The following TACR3 variants were observed in gnomAD, a reference collection of about 807,000 sequenced individuals.
TACR3 encodes the protein neuromedin-K receptor.
Under a neutral mutation model 35.0 loss-of-function variants are expected in TACR3, and 34 were observed. That is an observed-to-expected ratio of 0.97 (90% CI 0.74 to 1.30). TACR3 has a LOEUF of 1.30. TACR3 is among the 50% of genes most tolerant of loss of function. The pLI is 0.00. For missense variants in TACR3, 558 were observed against 591.7 expected, an observed-to-expected ratio of 0.94 and a Z score of 0.59; for synonymous variants, 233 against 221.1, an observed-to-expected ratio of 1.05 and a Z score of -0.48.
At chr4:103,650,495 T>C (rs1342307241) in intron 3 of TACR3, among the ~76,000 whole-genome samples, 3 of 132,342 alleles carry the variant, frequency 2.3e-5, no homozygotes, top group Non-Finnish European at 4.7e-5. Flanking sequence ...AAATATGTAT[T>C]ATTTATATAT....
At chr4:103,678,009 A>C (rs984797364) in intron 1 of TACR3, among the ~76,000 whole-genome samples, 1 of 152,118 alleles carries the variant, frequency 6.6e-6, no homozygotes, top group Non-Finnish European at 1.5e-5. Flanking sequence ...TTTCAACAGA[A>C]ACCTGTTTCA....
intron 1 of TACR3, among the ~76,000 whole-genome samples, chr4:103,701,945 T>C (rs370037647): frequency 4.7e-5 from 7 of 147,550 alleles, no homozygotes; most frequent in Admixed American, 6.9e-5. Context: ...ACCATAAAAA[T>C]CCTAGAAGAA....
At chr4:103,603,248 C>A (rs191164537) in intron 3 of TACR3, among the ~76,000 whole-genome samples, 2 of 152,194 alleles carry the variant, frequency 1.3e-5, no homozygotes, top group South Asian at 2.1e-4. Context: ...ATTGGAAAAG[C>A]GAAATATTAG....
At chr4:103,716,339 A>G (rs888184562) in intron 1 of TACR3, among the ~76,000 whole-genome samples, 3 of 151,846 alleles carry the variant, frequency 2.0e-5, no homozygotes, top group African/African-American at 7.3e-5. Flanking sequence ...GAACTAGAAG[A>G]TGGATTTCTG....
At chr4:103,606,286 T>A (rs1724360672) in intron 3 of TACR3, among the ~76,000 whole-genome samples, 1 of 152,064 alleles carries the variant, frequency 6.6e-6, no homozygotes, top group African/African-American at 2.4e-5. Context: ...TCTTTTGGCT[T>A]AGGATTGACT....
At chr4:103,607,017 A>G (rs1662534) in intron 3 of TACR3, among the ~76,000 whole-genome samples, 1 of 152,092 alleles carries the variant, frequency 6.6e-6, no homozygotes, top group Non-Finnish European at 1.5e-5. Flanking sequence ...ATTTATTGAG[A>G]GTTTTTAGCA....
intron 3 of TACR3, among the ~76,000 whole-genome samples, chr4:103,593,851 C>T (rs1723946019): frequency 6.6e-6 from 1 of 152,030 alleles, no homozygotes; most frequent in African/African-American, 2.4e-5. Flanking sequence ...TATGTTTTTT[C>T]TTTATTTTGT....
chr4:103,677,235 A>C (rs1442337754), intron 1 of TACR3, among the ~76,000 whole-genome samples: 1 of 152,210 alleles, frequency 6.6e-6, no homozygotes, highest in Non-Finnish European at 1.5e-5. Flanking sequence ...TTGTGGAGAA[A>C]AAGGAACACT....
intron 3 of TACR3, among the ~76,000 whole-genome samples, chr4:103,625,078 G>C (rs1724861044): frequency 6.6e-6 from 1 of 151,994 alleles, no homozygotes; most frequent in Admixed American, 6.6e-5. Flanking sequence ...ATGTTGAAAG[G>C]AATTTTATGC....
intron 3 of TACR3, among the ~76,000 whole-genome samples, chr4:103,643,913 C>A (rs1044617168): frequency 4.0e-5 from 6 of 151,652 alleles, no homozygotes; most frequent in South Asian, 2.1e-4. Flanking sequence ...CATAGAGAAC[C>A]TTTTTCAGAT....
Position 103,719,581 on chromosome 4 carries a change from G to T in TACR3, c.95C>A (p.Ala32Glu). The stretch of plus-strand genomic sequence containing the variant: ...CCCAGTCTCAACTGCCCCCGTGGCC[G>T]CCCCGGCAGCTAGCGAGGCGGTCAG... ...VNLTASLAAGAATGAVETGWL... is the reference protein window; with the variant it reads ...VNLTASLAAGEATGAVETGWL... Residue 32 changes from alanine to glutamate, a missense_variant, in exon 1 of 5, where the codon GCG (alanine) becomes GAG (glutamate). By Grantham distance (107) the Ala-to-Glu change is moderately radical (BLOSUM62 -1). Coordinates refer to ENST00000304883, the MANE Select transcript of TACR3 (RefSeq NM_001059.3). 1 of 1,610,346 alleles carries T rather than the reference G, an allele frequency of 6.2e-7. No individual in the cohort carries two copies. The highest frequency in any genetic ancestry group is 8.5e-7 in the Non-Finnish European group (1 of 1,177,372).
At chr4:103,711,327 G>T (rs1365913754) in intron 1 of TACR3, among the ~76,000 whole-genome samples, 2 of 152,150 alleles carry the variant, frequency 1.3e-5, no homozygotes, top group South Asian at 2.1e-4. Context: ...GGGATGCAAG[G>T]CTGGTTCAAC....
intron 4 of TACR3, among the ~76,000 whole-genome samples, chr4:103,590,680 A>G (rs1245728765): frequency 6.6e-6 from 1 of 152,144 alleles, no homozygotes; most frequent in Non-Finnish European, 1.5e-5. Context: ...TTAGGATTTA[A>G]TTCATGCAGT....
At chr4:103,601,386 T>G (rs1468558835) in intron 3 of TACR3, among the ~76,000 whole-genome samples, 2 of 152,224 alleles carry the variant, frequency 1.3e-5, no homozygotes, top group Non-Finnish European at 2.9e-5. Context: ...CCCATTTACA[T>G]TTAAAGTTAA....
At chr4:103,688,187 C>T (rs1578258151) in intron 1 of TACR3, among the ~76,000 whole-genome samples, 1 of 152,142 alleles carries the variant, frequency 6.6e-6, no homozygotes, top group Non-Finnish European at 1.5e-5. Flanking sequence ...GGAAAACTGG[C>T]TAGCCATATG....
intron 1 of TACR3, among the ~76,000 whole-genome samples, chr4:103,675,771 G>A (rs917262094): frequency 7.9e-5 from 12 of 151,966 alleles, no homozygotes; most frequent in Non-Finnish European, 2.9e-5. Flanking sequence ...TCCTCCATGT[G>A]TCTCCCATTA....
intron 3 of TACR3, among the ~76,000 whole-genome samples, chr4:103,644,685 G>C (rs1320171316): frequency 6.6e-6 from 1 of 151,294 alleles, no homozygotes; most frequent in East Asian, 1.9e-4. Flanking sequence ...CATTTCCCTA[G>C]AAAACTTACT....
intron 1 of TACR3, among the ~76,000 whole-genome samples, chr4:103,715,205 G>A (rs6827310): frequency 0.013 from 1,992 of 152,190 alleles, 18 homozygotes; most frequent in South Asian, 0.022. Context: ...ATCTCATGTC[G>A]AATTGTAATC....
intron 3 of TACR3, among the ~76,000 whole-genome samples, chr4:103,612,386 C>G (rs992519609): frequency 2.0e-5 from 3 of 152,106 alleles, no homozygotes; most frequent in African/African-American, 7.2e-5. Context: ...AAAACAACTC[C>G]GATTGCAATT....
Sources: gnomAD v4.1 joint callset for allele counts (sites outside exome capture counted in the v4.1 genomes callset) on GRCh38, gnomAD v4.1.1 for gene constraint, MANE v1.5 for transcripts, NCBI Gene and HGNC (gene_info 2026-07-23, HGNC 2026-07-21) for gene names.